Variants in LRP1B observed in about 807,000 individuals in gnomAD.
LRP1B encodes low-density lipoprotein receptor-related protein 1B.
Under a neutral mutation model 556.6 loss-of-function variants are expected in LRP1B, and 217 were observed. The ratio of observed to expected loss-of-function variants is 0.39; its 90% CI spans 0.35 to 0.44. The LOEUF (loss-of-function observed/expected upper bound fraction) is 0.44. LRP1B is among the 20% of genes least tolerant of loss of function. LRP1B has a pLI of 1.00. For missense variants in LRP1B, 5,053 were observed against 5,620.8 expected (o/e 0.90, Z 3.23); for synonymous variants, 2,047 against 1,865.8 (o/e 1.10, Z -2.50).
intron 3 of LRP1B, among the ~76,000 whole-genome samples, chr2:141,409,155 A>G (rs572150814): frequency 6.6e-6 from 1 of 152,312 alleles, no homozygotes; most frequent in East Asian, 1.9e-4. Context: ...CAGAGTACCA[A>G]ATTAAATGGG....
chr2:140,901,837 C>T (rs4954863), intron 23 of LRP1B, among the ~76,000 whole-genome samples: 35,087 of 151,788 alleles, frequency 0.23, 4,256 homozygotes, highest in Non-Finnish European at 0.26. Context: ...AATTCCTATT[C>T]TAATTCCTTT....
intron 1 of LRP1B, among the ~76,000 whole-genome samples, chr2:142,052,925 T>C (rs969090939): frequency 5.3e-5 from 8 of 152,310 alleles, no homozygotes; most frequent in Middle Eastern, 3.4e-3. Context: ...CAAGTGACCA[T>C]CTGCTTTGTC....
chr2:142,042,592 G>A (rs751431689), intron 1 of LRP1B, among the ~76,000 whole-genome samples: 4 of 151,394 alleles, frequency 2.6e-5, no homozygotes, highest in African/African-American at 9.7e-5. Flanking sequence ...ATAAAAAAGG[G>A]ACAATGTTTC....
chr2:141,858,112 T>A (rs1698121385), intron 1 of LRP1B, among the ~76,000 whole-genome samples: 1 of 152,126 alleles, frequency 6.6e-6, no homozygotes, highest in African/African-American at 2.4e-5. Flanking sequence ...CAGGGTACCT[T>A]GTATTTAGGA....
chr2:142,002,450 C>T (rs1209079991), intron 1 of LRP1B, among the ~76,000 whole-genome samples: 2 of 151,776 alleles, frequency 1.3e-5, no homozygotes, highest in Non-Finnish European at 2.9e-5. Context: ...AAATCATTTG[C>T]AGCTATTAGC....
intron 2 of LRP1B, among the ~76,000 whole-genome samples, chr2:141,644,879 T>C (rs1191601950): frequency 1.3e-5 from 2 of 152,002 alleles, no homozygotes; most frequent in African/African-American, 2.4e-5. Flanking sequence ...ACTCAGCATC[T>C]TCACCCAGCA....
chr2:141,014,238 A>G (rs1271308212), intron 13 of LRP1B, among the ~76,000 whole-genome samples: 1 of 152,120 alleles, frequency 6.6e-6, no homozygotes, highest in African/African-American at 2.4e-5. Flanking sequence ...GAGCCAATGC[A>G]AATTGAAGAA....
chr2:140,831,026 A>T (rs1256385318), intron 31 of LRP1B, among the ~76,000 whole-genome samples: 1 of 152,154 alleles, frequency 6.6e-6, no homozygotes, highest in Non-Finnish European at 1.5e-5. Flanking sequence ...TACAAAGAAA[A>T]CAATAAACTA....
intron 83 of LRP1B, among the ~76,000 whole-genome samples, chr2:140,309,842 A>G (rs1684219211): frequency 6.6e-6 from 1 of 151,818 alleles, no homozygotes; most frequent in Admixed American, 6.6e-5. Context: ...GCAGTTGTAT[A>G]TCCTGTTCTT....
intron 1 of LRP1B, among the ~76,000 whole-genome samples, chr2:141,940,347 G>A (rs1182684140): frequency 6.6e-6 from 1 of 152,078 alleles, no homozygotes; most frequent in African/African-American, 2.4e-5. Context: ...CTTCTTCAAT[G>A]ACGTACTAAC....
intron 2 of LRP1B, among the ~76,000 whole-genome samples, chr2:141,553,273 G>C (rs951059540): frequency 6.6e-6 from 1 of 151,888 alleles, no homozygotes; most frequent in Non-Finnish European, 1.5e-5. Flanking sequence ...TTTATAAGTG[G>C]TCAAGTTGCA....
chr2:140,659,098 GTTTTT>G (rs59651364), intron 41 of LRP1B, among the ~76,000 whole-genome samples: 16 of 61,144 alleles, frequency 2.6e-4, no homozygotes, highest in South Asian at 1.1e-3. Context: ...CTGTAAATCT[GTTTTT>G]TTTTTTTTTT....
At position 140,744,505 on chromosome 2, in the gene LRP1B, G is replaced by A. The variant is rs368126198; in HGVS notation, c.5758+24708C>T. ...ACATGAAGTCAAGCTCCACACAAAC[G>A]TGAGGAAATTTACTTGTCAGCCGGC... On this transcript the variant is annotated intron_variant, in intron 35 of 90. Transcript: ENST00000389484. 8.5e-5 allele frequency among the ~76,000 whole-genome samples: 13 copies of A among 152,242 alleles called. No individual in the cohort carries two copies. The East Asian group carries it at 1.9e-3, about 23-fold the overall frequency.
chr2:141,273,238 G>A (rs1685156037), intron 3 of LRP1B, among the ~76,000 whole-genome samples: 1 of 151,920 alleles, frequency 6.6e-6, no homozygotes, highest in South Asian at 2.1e-4. Context: ...GTACCCAGGA[G>A]GTAGGGGTTG....
intron 2 of LRP1B, among the ~76,000 whole-genome samples, chr2:141,575,565 CAA>C (rs1686707673): frequency 6.6e-6 from 1 of 152,044 alleles, no homozygotes; most frequent in Admixed American, 6.6e-5. Flanking sequence ...ACAAAAATGC[CAA>C]AAGCAATTGC....
chr2:142,013,726 TTAATTA>T (rs1183069648), intron 1 of LRP1B, among the ~76,000 whole-genome samples: 1 of 152,074 alleles, frequency 6.6e-6, no homozygotes, highest in African/African-American at 2.4e-5. Context: ...TGTACTAATA[TTAATTA>T]TAATTTTAAA....
intron 1 of LRP1B, among the ~76,000 whole-genome samples, chr2:142,040,437 T>C (rs1419550697): frequency 6.6e-6 from 1 of 151,348 alleles, no homozygotes; most frequent in Non-Finnish European, 1.5e-5. Flanking sequence ...TCTCATACAA[T>C]CCCTTATCTC....
At chr2:142,060,907 T>C (rs1704881566) in intron 1 of LRP1B, among the ~76,000 whole-genome samples, 1 of 151,980 alleles carries the variant, frequency 6.6e-6, no homozygotes, top group Non-Finnish European at 1.5e-5. Flanking sequence ...ACCGTGTATG[T>C]CCTAATGCAC....
chr2:141,798,193 G>A (rs1437263011), intron 2 of LRP1B, among the ~76,000 whole-genome samples: 1 of 152,106 alleles, frequency 6.6e-6, no homozygotes, highest in Non-Finnish European at 1.5e-5. Flanking sequence ...ATGTATGCGT[G>A]ATGTGAACAT....
Sources: gnomAD v4.1 joint callset for allele counts (sites outside exome capture counted in the v4.1 genomes callset) on GRCh38, gnomAD v4.1.1 for gene constraint, MANE v1.5 for transcripts, NCBI Gene and HGNC (gene_info 2026-07-23, HGNC 2026-07-21) for gene names.